Variants in MED13L observed in about 807,000 individuals in gnomAD.
MED13L encodes mediator of RNA polymerase II transcription subunit 13-like.
Under a neutral mutation model 220.9 loss-of-function variants are expected in MED13L, and 7 were observed. That is an observed-to-expected ratio of 0.03 (90% CI 0.02 to 0.06). MED13L has a LOEUF of 0.06. Ranked by LOEUF, MED13L falls within the 10% of genes least tolerant of loss-of-function variation. The probability of loss-of-function intolerance (pLI) is 1.00; values close to 1 mark genes in which losing one functional copy is unlikely to be tolerated. For missense variants in MED13L, 1,965 were observed against 2,760.5 expected (o/e 0.71, Z 6.46); for synonymous variants, 1,011 against 1,015.2 (o/e 1.00, Z 0.08).
Position 116,277,338 on chromosome 12 carries a change from G to GTCT in MED13L, c.-208_-207insAGA, listed in dbSNP as rs1246056919. 1 of 133,326 alleles carries GTCT rather than the reference G, an allele frequency of 7.5e-6. No individual in the cohort carries two copies. The highest frequency in any genetic ancestry group is 2.7e-5 in the African/African-American group (1 of 36,766). 8.3% of individuals were successfully genotyped at this position (133,326 alleles called of 1,614,324 possible). On this transcript the variant is annotated 5_prime_UTR_variant, in exon 1 of 31. Coordinates refer to ENST00000281928, the MANE Select transcript of MED13L (RefSeq NM_015335.5). ...GCAGCGGGCCCGGGCTGGCGGGGGG[G>GTCT]GCGCGCGCCCCGGGCCGGCGCTGCG...
chr12:116,017,795 T>C (rs1879816282), intron 7 of MED13L, among the ~76,000 whole-genome samples: 2 of 152,274 alleles, frequency 1.3e-5, no homozygotes, highest in East Asian at 1.9e-4. Context: ...TTTGTATTTT[T>C]TGTAGAAACA....
chr12:116,209,526 TACCATTCC>T (rs1882563802), intron 2 of MED13L, among the ~76,000 whole-genome samples: 1 of 152,166 alleles, frequency 6.6e-6, no homozygotes, highest in Non-Finnish European at 1.5e-5. Flanking sequence ...CAGTAACCAT[TACCATTCC>T]ACACTTCTCT....
chr12:116,170,145 C>T (rs1879567810), intron 2 of MED13L, among the ~76,000 whole-genome samples: 1 of 152,158 alleles, frequency 6.6e-6, no homozygotes, highest in Admixed American at 6.5e-5. Flanking sequence ...CTGAGTTATG[C>T]ACAGATTCTG....
intron 26 of MED13L, among the ~76,000 whole-genome samples, chr12:115,971,219 G>C (rs1027283592): frequency 6.6e-6 from 1 of 152,104 alleles, no homozygotes; most frequent in Admixed American, 6.5e-5. Context: ...TCAAGTCATC[G>C]CATTTGATCA....
At chr12:116,055,671 G>T (rs974860587) in intron 4 of MED13L, among the ~76,000 whole-genome samples, 13 of 152,164 alleles carry the variant, frequency 8.5e-5, no homozygotes, top group African/African-American at 2.7e-4. Context: ...GAGGTGGGTG[G>T]ATCACCTGAG....
chr12:116,034,404 A>G (rs1270639079), intron 4 of MED13L, among the ~76,000 whole-genome samples: 1 of 152,192 alleles, frequency 6.6e-6, no homozygotes, highest in East Asian at 1.9e-4. Flanking sequence ...GGAAGAACAC[A>G]AATGTAAAGC....
At chr12:115,970,487 G>C in intron 27 of MED13L, 107 bp downstream of exon 27, 1 of 1,185,384 alleles carries the variant, frequency 8.4e-7, no homozygotes. Flanking sequence ...TATAGTTCCT[G>C]GGTTGTTTAT....
At chr12:116,275,392 G>A (rs973238955) in intron 1 of MED13L, among the ~76,000 whole-genome samples, 1 of 152,112 alleles carries the variant, frequency 6.6e-6, no homozygotes, top group Admixed American at 6.5e-5. Flanking sequence ...TAAATATCTG[G>A]ATTAAAATAT....
At position 115,960,152 on chromosome 12, in the gene MED13L, T is replaced by G. The variant is rs1044090726; in HGVS notation, c.*1114A>C. ...TAATTTAATGGTTAAGTTGTAATAT[T>G]TCTTTGAAATAATATTCCTATGGTC... On this transcript the variant is annotated 3_prime_UTR_variant, in exon 31 of 31. Transcript: ENST00000281928. 6 of 152,614 alleles carry G rather than the reference T, an allele frequency of 3.9e-5. No homozygotes were observed. The highest frequency in any genetic ancestry group is 1.4e-4 in the African/African-American group (6 of 41,440). 9.5% of individuals were successfully genotyped at this position (152,614 alleles called of 1,614,324 possible).
chr12:116,141,967 G>C (rs985258693), intron 2 of MED13L, among the ~76,000 whole-genome samples: 15 of 151,900 alleles, frequency 9.9e-5, no homozygotes, highest in African/African-American at 3.6e-4. Context: ...AGCCATACTG[G>C]TCCTTCATCA....
At chr12:115,982,346 C>T (rs1197687514) in intron 22 of MED13L, 38 bp downstream of exon 22, 1 of 1,565,054 alleles carries the variant, frequency 6.4e-7, no homozygotes, top group Middle Eastern at 1.7e-4. Flanking sequence ...ACAAAAATAA[C>T]AACATCAAAA....
chr12:116,081,432 C>T (rs532247195), intron 4 of MED13L, among the ~76,000 whole-genome samples: 3 of 151,992 alleles, frequency 2.0e-5, no homozygotes, highest in Non-Finnish European at 4.4e-5. Context: ...TCACTAACTA[C>T]CAAGTACTTT....
intron 1 of MED13L, among the ~76,000 whole-genome samples, chr12:116,265,912 T>A (rs1174436498): frequency 2.0e-5 from 3 of 152,188 alleles, no homozygotes; most frequent in Non-Finnish European, 4.4e-5. Context: ...TCCTTCAACA[T>A]CCAGTTTTAT....
chr12:116,114,355 C>A (rs1201365597), intron 2 of MED13L, among the ~76,000 whole-genome samples: 2 of 152,222 alleles, frequency 1.3e-5, no homozygotes, highest in East Asian at 1.9e-4. Context: ...CTGTGGAACA[C>A]TGAACAATTA....
intron 1 of MED13L, among the ~76,000 whole-genome samples, chr12:116,256,965 G>A (rs577411215): frequency 3.3e-5 from 5 of 152,182 alleles, no homozygotes; most frequent in South Asian, 2.1e-4. Context: ...ATGAGCCACC[G>A]TGCCCAGCCC....
intron 2 of MED13L, among the ~76,000 whole-genome samples, chr12:116,125,037 T>C (rs957670498): frequency 6.6e-6 from 1 of 152,206 alleles, no homozygotes; most frequent in African/African-American, 2.4e-5. Flanking sequence ...ACACTATTGA[T>C]TTTTACACTA....
intron 2 of MED13L, among the ~76,000 whole-genome samples, chr12:116,121,722 T>C (rs1177401205): frequency 6.6e-6 from 1 of 152,212 alleles, no homozygotes; most frequent in East Asian, 1.9e-4. Flanking sequence ...ACAGCTGAAA[T>C]GAACGTCTAG....
intron 4 of MED13L, among the ~76,000 whole-genome samples, chr12:116,089,800 C>G (rs1160936705): frequency 6.6e-6 from 1 of 152,136 alleles, no homozygotes; most frequent in Non-Finnish European, 1.5e-5. Context: ...TAAAATTCCC[C>G]CCATGTTACT....
At chr12:115,995,228 T>C (rs913825556) in intron 16 of MED13L, among the ~76,000 whole-genome samples, 1 of 152,190 alleles carries the variant, frequency 6.6e-6, no homozygotes, top group Non-Finnish European at 1.5e-5. Flanking sequence ...TTTGTTTTAT[T>C]GGTTCCTTAA....
Sources: gnomAD v4.1 joint callset for allele counts (sites outside exome capture counted in the v4.1 genomes callset) on GRCh38, gnomAD v4.1.1 for gene constraint, MANE v1.5 for transcripts, NCBI Gene and HGNC (gene_info 2026-07-23, HGNC 2026-07-21) for gene names.